The following ZNF3 variants were observed in gnomAD, a reference collection of about 807,000 sequenced individuals.
ZNF3 encodes zinc finger protein 3.
ZNF3 carries 16 observed loss-of-function variants against 36.9 expected under a neutral mutation model. The observed-to-expected ratio is 0.43, with a 90% CI of 0.29 to 0.66. The LOEUF is 0.66. Ranked by LOEUF, ZNF3 falls within the 30% of genes least tolerant of loss-of-function variation. ZNF3 has a pLI of 0.13. For missense variants in ZNF3, 462 were observed against 543.1 expected (o/e 0.85, Z 1.48); for synonymous variants, 201 against 201.9 (o/e 1.00, Z 0.04).
In ZNF3 at chr7:100,071,114, A is replaced by ACT. The variant is rs758480946; in HGVS notation, c.*28_*29insAG. On this transcript the variant is annotated 3_prime_UTR_variant, in exon 6 of 6. Coordinates refer to ENST00000299667, the MANE Select transcript of ZNF3 (RefSeq NM_032924.5). ...AGGCAAGAGCTCTTGAGACTCAGGG[A>ACT]AAGTGAGGAAAATGGGTGTGTGGCT... 1.1e-3 allele frequency: 1,759 copies of ACT among 1,548,122 alleles called. 4 individuals carry two copies. Among genetic ancestry groups the ACT allele is most frequent in the Non-Finnish European group, 1.5e-3 (1,676 of 1,148,928 alleles).
chr7:100,079,164 T>C (rs1021407681), intron 2 of ZNF3: 1 of 152,250 alleles, frequency 6.6e-6, no homozygotes, highest in Admixed American at 6.5e-5. Context: ...CCAACCATCA[T>C]ATCCTCTTAT....
At position 100,072,372 on chromosome 7, in the gene ZNF3, G is replaced by A. The variant is rs191817112; in HGVS notation, c.272-160C>T. ...GCGGCTAAGGCAAAATGAGACAGCC[G>A]GGCTAAGGAGACAGGGAAGGGGCAG... On this transcript the variant is annotated intron_variant, in intron 5 of 5. Coordinates refer to ENST00000299667, the MANE Select transcript of ZNF3 (RefSeq NM_032924.5). 4.2e-3 allele frequency among the ~76,000 whole-genome samples: 645 copies of A among 152,258 alleles called. 4 individuals carry two copies. The highest frequency in any genetic ancestry group is 6.5e-3 in the Non-Finnish European group (445 of 68,026).
At chr7:100,078,530 A>G (rs1794496713) in intron 2 of ZNF3, among the ~76,000 whole-genome samples, 1 of 151,192 alleles carries the variant, frequency 6.6e-6, no homozygotes, top group Non-Finnish European at 1.5e-5. Context: ...AAGAAAAAAT[A>G]CAAAAATTAG....
rs919122572 is a variant in ZNF3 at position 100,070,150 on chromosome 7, GTTTT to G, written c.*989_*992del. The G allele has an allele frequency of 4.1e-6, 4 of 967,172 alleles. No individual in the cohort carries two copies. The highest frequency in any genetic ancestry group is 4.9e-5 in the South Asian group (1 of 20,260). 59.9% of individuals were successfully genotyped at this position (967,172 alleles called of 1,614,324 possible). A position where few individuals can be genotyped will look rare whatever the true frequency, so the allele number is the denominator to read the frequency against. On this transcript the variant is annotated 3_prime_UTR_variant, in exon 6 of 6. Coordinates refer to ENST00000299667, the MANE Select transcript of ZNF3 (RefSeq NM_032924.5). ...GCACAGCCTGCCTTCTCTGGGCTTC[GTTTT>G]TTTGTTTTTTTGTTTTTTTTTTCTC...
Position 100,071,480 on chromosome 7 carries a change from G to A in ZNF3, c.1004C>T (p.Thr335Ile). The change falls in exon 6 of 6, where the codon ACT becomes ATT. Residue 335 changes from threonine to isoleucine, a missense_variant. By Grantham distance (89) the Thr-to-Ile change is moderately conservative. Transcript: ENST00000299667. ...STLIHHQRIH[T>I]GEKPYECNEC... is the part of the protein sequence containing the mutation. ...ATTACATTCATAGGGTTTTTCTCCA[G>A]TGTGGATTCTCTGATGGTGAATAAG... 9 of 1,614,190 alleles carry A rather than the reference G, an allele frequency of 5.6e-6. No individual in the cohort carries two copies. The highest frequency in any genetic ancestry group is 7.6e-6 in the Non-Finnish European group (9 of 1,180,038).
At chr7:100,065,211 C>A (rs1437195342), downstream of ZNF3, among the ~76,000 whole-genome samples, 1 of 152,124 alleles carries the variant, frequency 6.6e-6, no homozygotes, top group Non-Finnish European at 1.5e-5. Flanking sequence ...TCGATCACCT[C>A]AGGTCAGGAG....
chr7:100,075,334 G>C, intron 4 of ZNF3, 73 bp from the exon 5 acceptor site: 1 of 1,612,238 alleles, frequency 6.2e-7, no homozygotes, highest in East Asian at 2.2e-5. Flanking sequence ...AATCACTGAG[G>C]ATGGGGTGAA....
chr7:100,068,995 A>T (rs1792788730), downstream of ZNF3, among the ~76,000 whole-genome samples: 1 of 146,766 alleles, frequency 6.8e-6, no homozygotes, highest in African/African-American at 2.6e-5. Context: ...ATATATATAT[A>T]ATTTTTTTTT....
chr7:100,064,833 G>A (rs769799874), exon 6 of ZNF3: 1 of 1,614,170 alleles, frequency 6.2e-7, no homozygotes, highest in Admixed American at 1.7e-5. Context: ...CACTGGAGCA[G>A]AGTCCCTTCG....
Position 100,077,432 on chromosome 7 carries a change from C to G in ZNF3, c.-75G>C, listed in dbSNP as rs1794303453. On this transcript the variant is annotated splice_region_variant and 5_prime_UTR_variant, in exon 3 of 6. Coordinates refer to ENST00000299667, the MANE Select transcript of ZNF3 (RefSeq NM_032924.5). ...CGGGTTTTAAAAGAGAATGAGGAAG[C>G]ACTGCAGAAGCAAAAGTTCAAGGTT... The G allele has an allele frequency of 2.5e-6, 4 of 1,610,514 alleles. No homozygotes were observed. Among genetic ancestry groups the G allele is most frequent in the Non-Finnish European group, 3.4e-6 (4 of 1,177,994 alleles).
rs1234485091 is a variant in ZNF3, at chr7:100,071,216, G to A, written c.1268C>T (p.Pro423Leu). 1 of 1,614,142 alleles carries A rather than the reference G, an allele frequency of 6.2e-7. No homozygotes were observed. Among genetic ancestry groups the A allele is most frequent in the East Asian group, 2.2e-5 (1 of 44,886 alleles). ...RHQRIHTGEK[P>L]LNGIGMSKSS... ...TTTGCTCATGCCGATCCCATTCAAA[G>A]GCTTCTCTCCAGTGTGAATTCTCTG... Residue 423 changes from proline (P) to leucine (L), a missense_variant, in exon 6 of 6, where the codon CCT (proline) becomes CTT (leucine). Pro to Leu is a moderately conservative substitution (Grantham distance 98). Transcript: ENST00000299667.
chr7:100,064,890 AGT>A lies in ZNF3; in HGVS notation c.292_293del (p.Thr98TyrfsTer23). Reference sequence around the variant, plus strand: ...GCCATGCCAGCATTACCTTTTGCGTAGTTAAACAGACGTGTATCCAGTCTAGT... The same window carrying A: ...GCCATGCCAGCATTACCTTTTGCGTATAAACAGACGTGTATCCAGTCTAGT... On this transcript the variant is annotated frameshift_variant, in exon 6 of 6. Coordinates refer to the ZNF3 transcript ENST00000413658. LOFTEE classifies it low-confidence loss of function (END_TRUNC). 4 of 846,698 alleles carry A rather than the reference AGT, an allele frequency of 4.7e-6. No homozygotes were observed. The highest frequency in any genetic ancestry group is 6.6e-6 in the Non-Finnish European group (4 of 608,738). 52.4% of individuals were successfully genotyped at this position (846,698 alleles called of 1,614,324 possible).
intron 4 of ZNF3, 26 bp from the exon 5 acceptor site, chr7:100,075,287 A>G (rs199902469): frequency 3.7e-5 from 60 of 1,613,854 alleles, no homozygotes; most frequent in Non-Finnish European, 4.4e-5. Flanking sequence ...CTGGCATGCA[A>G]TTTCAGGGTG....
intron 4 of ZNF3, 105 bp downstream of exon 4, chr7:100,075,437 G>C: frequency 6.6e-6 from 10 of 1,507,820 alleles, no homozygotes; most frequent in Non-Finnish European, 8.3e-6. Context: ...GATTCAGCAG[G>C]ACAGAACCAT....
intron 5 of ZNF3, among the ~76,000 whole-genome samples, chr7:100,072,887 CAG>C (rs1197820883): frequency 6.6e-6 from 1 of 152,174 alleles, no homozygotes; most frequent in African/African-American, 2.4e-5. Context: ...ACTCTGGGCA[CAG>C]AGGATAAATG....
downstream of ZNF3, chr7:100,065,024 C>A: frequency 7.4e-7 from 1 of 1,347,432 alleles, no homozygotes. Flanking sequence ...TCAGAATAAA[C>A]TTATAACATC....
chr7:100,073,791 CAT>C (rs1280468992), intron 5 of ZNF3, among the ~76,000 whole-genome samples: 3 of 152,078 alleles, frequency 2.0e-5, no homozygotes, highest in Non-Finnish European at 4.4e-5. Context: ...AGCAGCACCT[CAT>C]GTGTTCAGGG....
chr7:100,064,187 G>A lies in ZNF3; in HGVS notation c.*601C>T, dbSNP rs147945300. 146 of 1,614,026 alleles carry A rather than the reference G, an allele frequency of 9.0e-5. No homozygotes were observed. The highest frequency in any genetic ancestry group is 8.9e-4 in the African/African-American group (67 of 74,974). ...CACTACAGAACACACTTGGTGGACC[G>A]GCCCTATGACTGTAAGTGTGGAAAA... On this transcript the variant is annotated 3_prime_UTR_variant, in exon 6 of 6. Transcript: ENST00000413658.
chr7:100,078,779 T>A (rs1002310928), intron 2 of ZNF3: 3 of 152,188 alleles, frequency 2.0e-5, no homozygotes, highest in African/African-American at 7.2e-5. Context: ...TAGCAAATGT[T>A]TGCTGAGGGC....
Sources: allele counts gnomAD v4.1 joint callset (sites outside exome capture counted in the v4.1 genomes callset), GRCh38; gene constraint gnomAD v4.1.1; transcripts MANE v1.5; gene names NCBI Gene and HGNC (gene_info 2026-07-23, HGNC 2026-07-21).